CDH23: variants seen among roughly 807,000 people sequenced by gnomAD.
CDH23 encodes cadherin-23.
CDH23 carries 189 observed loss-of-function variants against 317.1 expected under a neutral mutation model. That is an observed-to-expected ratio of 0.60 (90% confidence interval 0.53 to 0.67). The LOEUF (loss-of-function observed/expected upper bound fraction) is 0.67. Ranked by LOEUF, CDH23 falls within the 30% of genes least tolerant of loss-of-function variation. The probability of loss-of-function intolerance (pLI) is 0.00; values close to 1 mark genes in which losing one functional copy is unlikely to be tolerated. For missense variants in CDH23, 4,401 were observed against 4,592.4 expected (o/e 0.96, Z 1.20); for synonymous variants, 1,839 against 1,876.8 (o/e 0.98, Z 0.52).
intron 43 of CDH23, 131 bp from the exon 44 acceptor site, chr10:71,785,500 C>G (rs1841079285): frequency 3.0e-6 from 2 of 657,774 alleles, no homozygotes; most frequent in Admixed American, 2.3e-5. Context: ...ACCCTGCCGA[C>G]CCACATTTTT....
chr10:71,759,888 T>TATATAC (rs1211461244), intron 38 of CDH23, among the ~76,000 whole-genome samples: 376 of 29,844 alleles, frequency 0.013, 29 homozygotes, highest in East Asian at 0.034. Flanking sequence ...CACACACATA[T>TATATAC]ACACACACAC....
At chr10:71,596,013 G>A (rs777747941) in intron 9 of CDH23, among the ~76,000 whole-genome samples, 3 of 152,098 alleles carry the variant, frequency 2.0e-5, no homozygotes, top group African/African-American at 4.8e-5. Context: ...CTGCTAATTG[G>A]GGCTTGGCTC....
chr10:71,421,275 C>T (rs1354371226), intron 1 of CDH23, among the ~76,000 whole-genome samples: 1 of 152,224 alleles, frequency 6.6e-6, no homozygotes, highest in Non-Finnish European at 1.5e-5. Context: ...CCTGCCCAGC[C>T]CTCTGCCTTC....
chr10:71,470,110 C>T (rs1476994508), intron 3 of CDH23, among the ~76,000 whole-genome samples: 3 of 152,184 alleles, frequency 2.0e-5, no homozygotes, highest in Non-Finnish European at 4.4e-5. Context: ...GCAGGAATTA[C>T]AGGCTGACAC....
At chr10:71,493,089 G>A (rs76355652) in intron 3 of CDH23, among the ~76,000 whole-genome samples, 1,621 of 152,312 alleles carry the variant, frequency 0.011, 22 homozygotes, top group African/African-American at 0.031. Context: ...AGAGTGTGTA[G>A]CCCCCAGACA....
rs3802711 is a variant in CDH23 at position 71,784,329 on chromosome 10, G to A, written c.5411G>A (p.Arg1804Gln). 0.17 allele frequency: 272,778 copies of A among 1,613,564 alleles called. 24,289 individuals are homozygous for A. Among genetic ancestry groups the A allele is most frequent in the East Asian group, 0.27 (12,065 of 44,858 alleles). Residue 1804 changes from arginine (R) to glutamine (Q), a missense_variant, in exon 42 of 70, where the codon CGG becomes CAG. Around this residue, in one of 3 missense-constraint regions of CDH23, gnomAD observed 3,068 missense variants for 3,203.3 expected, o/e 0.96. Transcript: ENST00000224721. ...ISPVEGVLRV[R>Q]KDVELDRETI... ...CCTGTGGAGGGGGTGCTAAGGGTCC[G>A]GAAGGACGTGGAGCTGGACCGGGAG...
intron 9 of CDH23, among the ~76,000 whole-genome samples, chr10:71,601,627 C>T (rs1860223176): frequency 6.6e-6 from 1 of 152,186 alleles, no homozygotes; most frequent in African/African-American, 2.4e-5. Flanking sequence ...AACCCCATCC[C>T]TCAGGGCCCC....
chr10:71,619,359 A>G (rs1416531478), intron 11 of CDH23, among the ~76,000 whole-genome samples: 1 of 152,036 alleles, frequency 6.6e-6, no homozygotes. Context: ...AAATTTTTTA[A>G]TGTAGTAGTT....
At chr10:71,647,269 C>A (rs1240314416) in intron 14 of CDH23, among the ~76,000 whole-genome samples, 4 of 152,180 alleles carry the variant, frequency 2.6e-5, no homozygotes, top group African/African-American at 7.2e-5. Flanking sequence ...TTGAGACCAG[C>A]CTGGCCAACA....
At chr10:71,536,788 G>A (rs1855727547) in intron 6 of CDH23, among the ~76,000 whole-genome samples, 1 of 152,150 alleles carries the variant, frequency 6.6e-6, no homozygotes, top group African/African-American at 2.4e-5. Flanking sequence ...GAAGGGGCCA[G>A]GATCCCAAGT....
chr10:71,716,281 A>G, intron 28 of CDH23: 1 of 1,531,492 alleles, frequency 6.5e-7, no homozygotes, highest in Non-Finnish European at 8.8e-7. Flanking sequence ...GAGCTGAGAG[A>G]AAGGCGAGGG....
rs1403244945 is a variant in CDH23 at position 71,738,584 on chromosome 10, C to T, written c.4296C>T (p.Cys1432=). 1 of 1,613,762 alleles carries T rather than the reference C, an allele frequency of 6.2e-7. No homozygotes were observed. Among genetic ancestry groups the T allele is most frequent in the Non-Finnish European group, 8.5e-7 (1 of 1,179,898 alleles). The change falls in exon 35 of 70, where the codon TGC becomes TGT. Residue 1432 remains cysteine (C), a synonymous_variant. Coordinates refer to ENST00000224721, the MANE Select transcript of CDH23 (RefSeq NM_022124.6). ...SDSAVSIPED[C]PVGQRVATVK... ...CGGCGGTCAGCATACCCGAGGACTG[C>T]CCTGTGGGCCAGCGAGTGGCTACTG...
chr10:71,547,159 G>A (rs1341176585), intron 6 of CDH23, among the ~76,000 whole-genome samples: 1 of 152,222 alleles, frequency 6.6e-6, no homozygotes, highest in Non-Finnish European at 1.5e-5. Context: ...CCTAATGTCA[G>A]TGGGATTGGA....
chr10:71,510,054 C>A, intron 3 of CDH23, 28 bp from the exon 4 acceptor site: 1 of 1,613,914 alleles, frequency 6.2e-7, no homozygotes, highest in Non-Finnish European at 8.5e-7. Context: ...TCTTATTTTC[C>A]CTCTGCTCTC....
intron 14 of CDH23, among the ~76,000 whole-genome samples, chr10:71,671,375 A>C (rs1198329838): frequency 6.6e-6 from 1 of 152,154 alleles, no homozygotes; most frequent in Non-Finnish European, 1.5e-5. Flanking sequence ...GTTACCCTGC[A>C]GGGAGACAGA....
At chr10:71,465,478 G>A (rs562150219) in intron 3 of CDH23, among the ~76,000 whole-genome samples, 87 of 152,360 alleles carry the variant, frequency 5.7e-4, no homozygotes, top group African/African-American at 1.7e-3. Context: ...GAGACTCCTC[G>A]AGTGGCCTGG....
rs1054087952 is a variant in CDH23 at position 71,538,814 on chromosome 10, C to A, written c.429+27602C>A. Among the ~76,000 whole-genome samples the A allele has an allele frequency of 1.2e-4, 18 of 152,214 alleles. 1 individual carries two copies. The highest frequency in any genetic ancestry group is 2.9e-5 in the Non-Finnish European group (2 of 68,038). The stretch of plus-strand genomic sequence containing the variant: ...CCTGCCCTACTCTACTAAATCCTCA[C>A]CTGTGGCCAGTGTGGGAGTTCTTAC... On this transcript the variant is annotated intron_variant, in intron 6 of 69. Transcript: ENST00000224721.
intron 34 of CDH23, 86 bp from the exon 35 acceptor site, chr10:71,738,412 T>A: frequency 2.0e-6 from 3 of 1,522,946 alleles, no homozygotes; most frequent in Non-Finnish European, 2.7e-6. Context: ...GGGGATCTGG[T>A]CCCTACTGGA....
At chr10:71,740,619 C>G (rs1589389302) in intron 36 of CDH23, among the ~76,000 whole-genome samples, 1 of 152,214 alleles carries the variant, frequency 6.6e-6, no homozygotes, top group Non-Finnish European at 1.5e-5. Flanking sequence ...TCATTTGCAG[C>G]ATGGGGCAGA....
Sources: allele counts gnomAD v4.1 joint callset (sites outside exome capture counted in the v4.1 genomes callset), GRCh38; gene constraint gnomAD v4.1.1; regional missense constraint gnomAD v4.1.1; transcripts MANE v1.5; gene names NCBI Gene and HGNC (gene_info 2026-07-23, HGNC 2026-07-21).